The following NT5C3B variants were observed in gnomAD, a reference collection of about 807,000 sequenced individuals.
NT5C3B encodes 5'-nucleotidase, cytosolic IIIB.
Under a neutral mutation model 32.5 loss-of-function variants are expected in NT5C3B, and 28 were observed. The observed-to-expected ratio is 0.86, with a 90% CI of 0.64 to 1.18. The LOEUF is 1.18. NT5C3B is among the 50% of genes most tolerant of loss of function. NT5C3B has a pLI of 0.00. For missense variants in NT5C3B, 317 were observed against 322.0 expected (o/e 0.98, Z 0.12); for synonymous variants, 138 against 118.0 (o/e 1.17, Z -1.10).
At position 41,835,894 on chromosome 17, in the gene NT5C3B, C is replaced by T. The variant is rs782077622; in HGVS notation, c.76G>A (p.Gly26Ser). Residue 26 changes from glycine to serine, a missense_variant, in exon 2 of 9, where the codon GGC (glycine) becomes AGC (serine). Gly to Ser is a moderately conservative substitution (Grantham distance 56). Coordinates refer to ENST00000435506, the MANE Select transcript of NT5C3B (RefSeq NM_052935.5). ...RQPGRVQEIV[G>S]ALRKGGGDRL... ...TCTCCGCCGCCCTTGCGGAGGGCGC[C>T]CACGATCTCCTGCACCCGCCCAGGC... 6.2e-7 allele frequency: 1 copy of T among 1,609,180 alleles called. No individual in the cohort carries two copies. Among genetic ancestry groups the T allele is most frequent in the Middle Eastern group, 1.7e-4 (1 of 5,936 alleles).
chr17:41,835,474 G>T, intron 2 of NT5C3B: 1 of 644,808 alleles, frequency 1.6e-6, no homozygotes. Flanking sequence ...GGAAAACGCA[G>T]TCTCCTAGTG....
chr17:41,835,266 A>G lies in NT5C3B; in HGVS notation c.118T>C (p.Ser40Pro). The G allele has an allele frequency of 1.2e-6, 2 of 1,614,114 alleles. No homozygotes were observed. The highest frequency in any genetic ancestry group is 1.7e-6 in the Non-Finnish European group (2 of 1,179,976). ...CTGCTCAAGGTCATGTCAAAATCAG[A>G]AATCACCTATAAGGCAAAAGAGAGA... ...KGGGDRLQVISDFDMTLSRFA... is the reference protein window; with the variant it reads ...KGGGDRLQVIPDFDMTLSRFA... The change falls in exon 3 of 9, where the codon TCT becomes CCT. Residue 40 changes from serine to proline, a missense_variant. Coordinates refer to ENST00000435506, the MANE Select transcript of NT5C3B (RefSeq NM_052935.5).
At position 41,827,613 on chromosome 17, in the gene NT5C3B, C is replaced by A; in HGVS notation, c.581G>T (p.Gly194Val). The stretch of plus-strand genomic sequence containing the variant: ...TGTGTGTATGAGCTGGCCCTTAAAT[C>A]CCTGGAGAAAACCCTAAATAATGAA... Reference protein sequence around the residue: ...MDFNEDGFLQGFKGQLIHTYN... With the variant: ...MDFNEDGFLQVFKGQLIHTYN... The change falls in exon 8 of 9, where the codon GGA becomes GTA. Residue 194 changes from glycine to valine, a missense_variant. By Grantham distance (109) the Gly-to-Val change is moderately radical. Coordinates refer to ENST00000435506, the MANE Select transcript of NT5C3B (RefSeq NM_052935.5). 2.3e-6 allele frequency: 2 copies of A among 860,434 alleles called. No homozygotes were observed. The highest frequency in any genetic ancestry group is 4.1e-6 in the Non-Finnish European group (2 of 490,362). The allele number at this position is 860,434 out of a possible 1,614,324, so 53.3% of individuals were successfully genotyped here.
In NT5C3B at chr17:41,835,861, G is replaced by A. The variant is rs782522071; in HGVS notation, c.109C>T (p.Gln37Ter). The change falls in exon 2 of 9, where the codon CAG (glutamine) becomes TAG (stop). Residue 37 changes from glutamine (Q) to a stop codon, truncating the protein, a stop_gained and splice_region_variant. Coordinates refer to ENST00000435506, the MANE Select transcript of NT5C3B (RefSeq NM_052935.5). LOFTEE classifies it high-confidence loss of function. ...ALRKGGGDRL[Q>*]VISDFDMTLS... ...GCCCCCGCACGCCCCAGAGGTACCT[G>A]TAACCGGTCTCCGCCGCCCTTGCGG... 3.1e-6 allele frequency: 5 copies of A among 1,607,642 alleles called. No individual in the cohort carries two copies. The highest frequency in any genetic ancestry group is 4.2e-6 in the Non-Finnish European group (5 of 1,178,124).
chr17:41,828,138 G>A (rs1369072402), intron 7 of NT5C3B, among the ~76,000 whole-genome samples: 1 of 152,116 alleles, frequency 6.6e-6, no homozygotes, highest in Non-Finnish European at 1.5e-5. Flanking sequence ...GGGGAAAAAA[G>A]TCAGAACGTG....
chr17:41,836,046 G>A (rs782783441), intron 1 of NT5C3B, 89 bp from the exon 2 acceptor site: 30 of 1,415,026 alleles, frequency 2.1e-5, no homozygotes, highest in Admixed American at 3.1e-5. Flanking sequence ...CGTGTGAGGC[G>A]GGGCCGGGGT....
At chr17:41,830,486 C>T (rs1329860123) in intron 6 of NT5C3B, among the ~76,000 whole-genome samples, 1 of 151,892 alleles carries the variant, frequency 6.6e-6, no homozygotes, top group South Asian at 2.1e-4. Context: ...TCCAGCCTGG[C>T]GACAGAGCGA....
chr17:41,831,000 T>C, intron 5 of NT5C3B, 110 bp from the exon 6 acceptor site: 1 of 749,048 alleles, frequency 1.3e-6, no homozygotes. Context: ...GACAGAGGCC[T>C]CATCCTTACG....
chr17:41,828,684 G>T, intron 7 of NT5C3B, 106 bp downstream of exon 7: 1 of 1,070,370 alleles, frequency 9.3e-7, no homozygotes, highest in Non-Finnish European at 1.4e-6. Context: ...AGCTAGAGTG[G>T]CTTCCCTCCC....
Position 41,832,427 on chromosome 17 carries a change from C to G in NT5C3B, c.279G>C (p.Arg93=), listed in dbSNP as rs2048067496. ...HYYPIEIDPH[R]TVKEKLPHMV... ...TATGAGGTAGCTTCTCCTTGACGGTCCGGTGTGGGTCGATCTCAATTGGGT... is the reference window on the plus strand; with the variant it reads ...TATGAGGTAGCTTCTCCTTGACGGTGCGGTGTGGGTCGATCTCAATTGGGT... The change falls in exon 5 of 9, where the codon CGG becomes CGC. Residue 93 remains arginine (R), a synonymous_variant. Transcript: ENST00000435506. 5.0e-6 allele frequency: 8 copies of G among 1,613,748 alleles called. No homozygotes were observed. Among genetic ancestry groups the G allele is most frequent in the Non-Finnish European group, 6.8e-6 (8 of 1,179,858 alleles).
chr17:41,831,408 T>C (rs562108801), intron 5 of NT5C3B, among the ~76,000 whole-genome samples: 2 of 152,000 alleles, frequency 1.3e-5, no homozygotes, highest in East Asian at 3.9e-4. Context: ...GTCGGCACTC[T>C]TCTGAATCCC....
At chr17:41,831,319 CAAA>C (rs71155172) in intron 5 of NT5C3B, among the ~76,000 whole-genome samples, 4,275 of 110,064 alleles carry the variant, frequency 0.039, 209 homozygotes, top group African/African-American at 0.14. Flanking sequence ...GACTCCATCT[CAAA>C]AAAAAAAAAA....
In NT5C3B at chr17:41,828,864, C is replaced by A. The variant is rs782414466; in HGVS notation, c.493G>T (p.Glu165Ter). Reference sequence around the variant, plus strand: ...AACACTTTCATCTGTCGGATAATTTCTTCCAGGATATCACCAATGCCCGCA... The same window carrying A: ...AACACTTTCATCTGTCGGATAATTTATTCCAGGATATCACCAATGCCCGCA... The part of the protein sequence containing the change: ...FSAGIGDILE[E>*]IIRQMKVFHP... The change falls in exon 7 of 9, where the codon GAA (glutamate) becomes TAA (stop). Residue 165 changes from glutamate (E) to a stop codon, truncating the protein, a stop_gained. Transcript: ENST00000435506. LOFTEE classifies it high-confidence loss of function. The A allele has an allele frequency of 3.1e-6, 5 of 1,613,854 alleles. No individual in the cohort carries two copies. The highest frequency in any genetic ancestry group is 4.2e-6 in the Non-Finnish European group (5 of 1,179,842).
In NT5C3B at chr17:41,831,041, G is replaced by A. The variant is rs188785329; in HGVS notation, c.315-151C>T. ...TGCCCTTAAAAGGAAGAGGGTGGCC[G>A]GGCACAGTGGTTCATGCCTATAATC... On this transcript the variant is annotated intron_variant, in intron 5 of 8. Coordinates refer to ENST00000435506, the MANE Select transcript of NT5C3B (RefSeq NM_052935.5). 1.1e-4 allele frequency: 67 copies of A among 637,610 alleles called. 1 individual carries two copies. The Middle Eastern group carries it at 1.1e-3, about 11-fold the overall frequency. 39.5% of individuals were successfully genotyped at this position (637,610 alleles called of 1,614,324 possible).
At chr17:41,835,979 C>T (rs782695597) in intron 1 of NT5C3B, 22 bp from the exon 2 acceptor site, 15 of 1,554,906 alleles carry the variant, frequency 9.6e-6, no homozygotes, top group Non-Finnish European at 1.3e-5. Context: ...CCCGAGAGAA[C>T]CACTGACCCC....
At chr17:41,825,747 A>T (rs1391346419) in intron 8 of NT5C3B, 90 bp from the exon 9 acceptor site, 1 of 827,404 alleles carries the variant, frequency 1.2e-6, no homozygotes, top group East Asian at 2.4e-5. Context: ...TGGGGAGGAG[A>T]GCATTCAAGC....
Position 41,828,931 on chromosome 17 carries a change from G to A in NT5C3B, c.426C>T (p.Phe142=). Residue 142 remains phenylalanine, a synonymous_variant, in exon 7 of 9, where the codon TTC becomes TTT. Transcript: ENST00000435506. ...AMLREGYKTF[F]NTLYHNNIPL... is the part of the protein sequence containing the mutation. ...GAATGTTGTTATGGTAGAGTGTGTT[G>A]AAGAAGGTCTTATATCCCTCCCTGA... is the stretch of plus-strand genomic sequence containing the variant. The A allele has an allele frequency of 2.5e-6, 4 of 1,613,446 alleles. No individual in the cohort carries two copies. Among genetic ancestry groups the A allele is most frequent in the Non-Finnish European group, 2.5e-6 (3 of 1,179,494 alleles).
At position 41,832,420 on chromosome 17, in the gene NT5C3B, T is replaced by C. The variant is rs924418070; in HGVS notation, c.286A>G (p.Lys96Glu). 6.2e-7 allele frequency: 1 copy of C among 1,613,830 alleles called. No individual in the cohort carries two copies. The highest frequency in any genetic ancestry group is 1.3e-5 in the African/African-American group (1 of 75,028). ...TCCACCATATGAGGTAGCTTCTCCT[T>C]GACGGTCCGGTGTGGGTCGATCTCA... is the stretch of plus-strand genomic sequence containing the variant. ...PIEIDPHRTV[K>E]EKLPHMVEWW... is the part of the protein sequence containing the mutation. Residue 96 changes from lysine to glutamate, a missense_variant, in exon 5 of 9, where the codon AAG becomes GAG. Coordinates refer to ENST00000435506, the MANE Select transcript of NT5C3B (RefSeq NM_052935.5).
In NT5C3B at chr17:41,830,833, G is replaced by A. The variant is rs1201213053; in HGVS notation, c.372C>T (p.Ala124=). The change falls in exon 6 of 9, where the codon GCC becomes GCT. Residue 124 remains alanine, a synonymous_variant. Transcript: ENST00000435506. ...CQQKIQKFQI[A]QVVRESNAML... is the part of the protein sequence containing the mutation. The stretch of plus-strand genomic sequence containing the variant: ...TTGCATTGGACTCTCTAACCACCTG[G>A]GCTATCTGAAACTTCTGAATCTTCT... The A allele has an allele frequency of 1.9e-6, 3 of 1,611,496 alleles. No homozygotes were observed. The African/African-American group carries it at 4.0e-5, about 22-fold the overall frequency.
Sources: allele counts gnomAD v4.1 joint callset (sites outside exome capture counted in the v4.1 genomes callset), GRCh38; gene constraint gnomAD v4.1.1; transcripts MANE v1.5; gene names NCBI Gene and HGNC (gene_info 2026-07-23, HGNC 2026-07-21).